The following PPM1H variants were observed in gnomAD, a reference collection of about 807,000 sequenced individuals.
The protein encoded by PPM1H is protein phosphatase 1H.
PPM1H carries 27 observed loss-of-function variants against 54.9 expected under a neutral mutation model. That is an observed-to-expected ratio of 0.49 (90% CI 0.36 to 0.68). The LOEUF (loss-of-function observed/expected upper bound fraction) is 0.68, where lower values mean the gene tolerates loss of function less well. Among genes scored for constraint, PPM1H ranks in the 30% least tolerant of loss-of-function variants. PPM1H has a pLI of 0.00. For missense variants in PPM1H, 596 were observed against 667.8 expected (o/e 0.89, Z 1.19); for synonymous variants, 305 against 270.8 (o/e 1.13, Z -1.24).
At chr12:62,668,337 A>G (rs1184696802) in intron 8 of PPM1H, among the ~76,000 whole-genome samples, 2 of 152,166 alleles carry the variant, frequency 1.3e-5, no homozygotes, top group Admixed American at 1.3e-4. Flanking sequence ...AAGCAAGTCA[A>G]TTTAATCAAT....
intron 6 of PPM1H, among the ~76,000 whole-genome samples, chr12:62,707,013 C>G (rs1384444906): frequency 6.6e-6 from 1 of 152,126 alleles, no homozygotes; most frequent in East Asian, 1.9e-4. Flanking sequence ...TGCTCAGGTG[C>G]AATAAACTCA....
At chr12:62,654,551 A>C (rs1056916413) in intron 9 of PPM1H, among the ~76,000 whole-genome samples, 2 of 152,186 alleles carry the variant, frequency 1.3e-5, no homozygotes, top group African/African-American at 4.8e-5. Flanking sequence ...AGGCACTTGG[A>C]TCTCTCAAGT....
chr12:62,795,682 T>C (rs1379497622), intron 3 of PPM1H, among the ~76,000 whole-genome samples: 1 of 152,014 alleles, frequency 6.6e-6, no homozygotes, highest in Non-Finnish European at 1.5e-5. Context: ...TCCACCTGCC[T>C]GGGCCTCCCA....
chr12:62,896,213 C>G (rs2121098830), intron 1 of PPM1H, among the ~76,000 whole-genome samples: 1 of 152,162 alleles, frequency 6.6e-6, no homozygotes, highest in Middle Eastern at 3.4e-3. Context: ...ACTACAACAC[C>G]AAAAGCAATG....
At chr12:62,804,465 C>T (rs1313633847) in intron 2 of PPM1H, among the ~76,000 whole-genome samples, 1 of 151,842 alleles carries the variant, frequency 6.6e-6, no homozygotes, top group Non-Finnish European at 1.5e-5. Context: ...TGGAGTTTGT[C>T]TTTCTAGATC....
rs1160920276 is a variant in PPM1H, at chr12:62,849,423, T to A, written c.246-17144A>T. ...ACTGAATCCAGAAAGCTGATTGACC[T>A]GGGGTCAGATAGCCATTGGGTGGTA... On this transcript the variant is annotated intron_variant, in intron 1 of 9. Transcript: ENST00000228705. Among the ~76,000 whole-genome samples the A allele has an allele frequency of 2.0e-5, 3 of 152,226 alleles. No individual in the cohort carries two copies. The East Asian group carries it at 5.8e-4, about 29-fold the overall frequency.
At chr12:62,689,062 T>G (rs1473625953) in intron 8 of PPM1H, among the ~76,000 whole-genome samples, 1 of 152,156 alleles carries the variant, frequency 6.6e-6, no homozygotes, top group Non-Finnish European at 1.5e-5. Context: ...ACGTGGAAGG[T>G]GCTCTATGTA....
chr12:62,760,481 C>T (rs527357988), intron 4 of PPM1H, among the ~76,000 whole-genome samples: 4 of 152,180 alleles, frequency 2.6e-5, no homozygotes, highest in African/African-American at 9.7e-5. Context: ...TCTGCTCCCC[C>T]ACCCTATAAC....
chr12:62,871,774 C>T (rs543922340), intron 1 of PPM1H, among the ~76,000 whole-genome samples: 1 of 152,102 alleles, frequency 6.6e-6, no homozygotes, highest in African/African-American at 2.4e-5. Context: ...CCTTGGCCTC[C>T]CAAAGTGCTG....
chr12:62,865,150 G>A (rs1373129912), intron 1 of PPM1H, among the ~76,000 whole-genome samples: 1 of 152,130 alleles, frequency 6.6e-6, no homozygotes, highest in Non-Finnish European at 1.5e-5. Context: ...TGTCACTAGG[G>A]AGGGATTGCA....
intron 6 of PPM1H, among the ~76,000 whole-genome samples, chr12:62,708,804 T>C (rs1033037765): frequency 6.6e-6 from 1 of 152,198 alleles, no homozygotes; most frequent in Non-Finnish European, 1.5e-5. Flanking sequence ...AGGTTTGAGG[T>C]ACAAATGGTC....
chr12:62,838,920 CAAAAAAAAAAAAAAAA>C lies in PPM1H; in HGVS notation c.246-6657_246-6642del, dbSNP rs71278269. ...TGGGCGACAGAGCGAGACTCCGTCT[CAAAAAAAAAAAAAAAA>C]AAAAAAAAAAAAAAAGAATAATAGC... On this transcript the variant is annotated intron_variant, in intron 1 of 9. Coordinates refer to ENST00000228705, the MANE Select transcript of PPM1H (RefSeq NM_020700.2). Among the ~76,000 whole-genome samples, 18 of 33,302 alleles carry C rather than the reference CAAAAAAAAAAAAAAAA, an allele frequency of 5.4e-4. 4 individuals carry two copies. Among genetic ancestry groups the C allele is most frequent in the Non-Finnish European group, 8.1e-4 (16 of 19,666 alleles). 21.8% of individuals were successfully genotyped at this position (33,302 alleles called of 152,430 possible). A position where few individuals can be genotyped will look rare whatever the true frequency, so the allele number is the denominator to read the frequency against.
intron 3 of PPM1H, among the ~76,000 whole-genome samples, chr12:62,793,883 T>C (rs1370718190): frequency 6.6e-6 from 1 of 152,010 alleles, no homozygotes; most frequent in Non-Finnish European, 1.5e-5. Flanking sequence ...AACTCCAAGG[T>C]CATTCTTTGT....
At chr12:62,813,175 G>A (rs1360920764) in intron 2 of PPM1H, among the ~76,000 whole-genome samples, 2 of 152,138 alleles carry the variant, frequency 1.3e-5, no homozygotes, top group Non-Finnish European at 2.9e-5. Flanking sequence ...AGATGTAGGA[G>A]AGGAAATACA....
At position 62,646,316 on chromosome 12, in the gene PPM1H, A is replaced by ATTCT. The variant is rs2075784575; in HGVS notation, c.*2169_*2172dup. Reference sequence around the variant, plus strand: ...AGGTAGTTGTGACATCTACACCCAAATTCTTACTCTGGTGGCTTGAATAAA... The same window carrying ATTCT: ...AGGTAGTTGTGACATCTACACCCAAATTCTTTCTTACTCTGGTGGCTTGAATAAA... On this transcript the variant is annotated 3_prime_UTR_variant, in exon 10 of 10. Transcript: ENST00000228705. The ATTCT allele has an allele frequency of 6.6e-6, 1 of 152,180 alleles. No individual in the cohort carries two copies. The highest frequency in any genetic ancestry group is 2.4e-5 in the African/African-American group (1 of 41,418). 9.4% of individuals were successfully genotyped at this position (152,180 alleles called of 1,614,324 possible).
chr12:62,735,741 G>A (rs746826743), intron 5 of PPM1H, among the ~76,000 whole-genome samples: 2 of 152,174 alleles, frequency 1.3e-5, no homozygotes, highest in Non-Finnish European at 2.9e-5. Flanking sequence ...TGACTCCCTA[G>A]GAGGATTAGG....
intron 1 of PPM1H, among the ~76,000 whole-genome samples, chr12:62,841,228 G>A (rs1868735066): frequency 6.6e-6 from 1 of 152,146 alleles, no homozygotes; most frequent in South Asian, 2.1e-4. Flanking sequence ...TTCAAAGTCA[G>A]TAGCTGCCAA....
At chr12:62,930,302 T>A (rs1182323605) in intron 1 of PPM1H, among the ~76,000 whole-genome samples, 1 of 152,250 alleles carries the variant, frequency 6.6e-6, no homozygotes, top group African/African-American at 2.4e-5. Context: ...AAGTAGCTTT[T>A]GTTTCTACTT....
chr12:62,785,453 A>AG (rs2076665673), intron 4 of PPM1H, among the ~76,000 whole-genome samples: 1 of 152,266 alleles, frequency 6.6e-6, no homozygotes, highest in South Asian at 2.1e-4. Flanking sequence ...CTGGGATTAT[A>AG]GGCGTGAACC....
Sources: gnomAD v4.1 joint callset for allele counts (sites outside exome capture counted in the v4.1 genomes callset) on GRCh38, gnomAD v4.1.1 for gene constraint, MANE v1.5 for transcripts, NCBI Gene and HGNC (gene_info 2026-07-23, HGNC 2026-07-21) for gene names.